Variants in NIBAN1 observed in about 807,000 individuals in gnomAD.
NIBAN1 encodes niban apoptosis regulator 1, also known as protein Niban 1.
In NIBAN1, 81 loss-of-function variants were observed where a neutral mutation model predicts 75.1. The ratio of observed to expected loss-of-function variants is 1.08; its 90% CI spans 0.90 to 1.30. The LOEUF (loss-of-function observed/expected upper bound fraction) is 1.30, where lower values mean the gene tolerates loss of function less well. NIBAN1 is among the 50% of genes most tolerant of loss of function. The pLI, the probability that NIBAN1 is intolerant of heterozygous loss-of-function variation, is 0.00. For synonymous variants in NIBAN1, 436 were observed against 424.8 expected (o/e 1.03, Z -0.32); for missense variants, 1,133 against 1,128.1 (o/e 1.00, Z -0.06).
chr1:184,826,827 G>A (rs1482636321), intron 6 of NIBAN1, among the ~76,000 whole-genome samples: 2 of 152,094 alleles, frequency 1.3e-5, no homozygotes, highest in African/African-American at 4.8e-5. Context: ...TGTCTGCGAG[G>A]AAAAAGAGAG....
intron 5 of NIBAN1, among the ~76,000 whole-genome samples, chr1:184,842,323 C>T (rs1655308849): frequency 6.6e-6 from 1 of 152,200 alleles, no homozygotes; most frequent in African/African-American, 2.4e-5. Context: ...GTTTCTGATT[C>T]AATAGGTCTG....
At chr1:184,866,080 T>G (rs1223970483) in intron 5 of NIBAN1, among the ~76,000 whole-genome samples, 1 of 152,164 alleles carries the variant, frequency 6.6e-6, no homozygotes, top group Non-Finnish European at 1.5e-5. Context: ...ATGTGCTTAC[T>G]ACACCCCTAC....
chr1:184,917,350 C>A (rs866908431), intron 1 of NIBAN1, among the ~76,000 whole-genome samples: 4 of 150,682 alleles, frequency 2.7e-5, no homozygotes, highest in Admixed American at 6.7e-5. Flanking sequence ...TACAGACACC[C>A]GCCACCACGC....
At chr1:184,897,792 CTCT>C (rs1423601374) in intron 2 of NIBAN1, among the ~76,000 whole-genome samples, 1 of 152,194 alleles carries the variant, frequency 6.6e-6, no homozygotes, top group Non-Finnish European at 1.5e-5. Context: ...ACTGATTTCT[CTCT>C]TCTTCTATTA....
intron 5 of NIBAN1, among the ~76,000 whole-genome samples, chr1:184,860,877 C>T (rs1655798443): frequency 6.6e-6 from 1 of 152,182 alleles, no homozygotes; most frequent in African/African-American, 2.4e-5. Context: ...TTCTTGTCTG[C>T]TTAGAGTCTA....
rs1384359220 is a variant in NIBAN1 at position 184,974,350 on chromosome 1, C to G, written c.7G>C (p.Gly3Arg). 4 of 1,559,192 alleles carry G rather than the reference C, an allele frequency of 2.6e-6. No homozygotes were observed. The African/African-American group carries it at 5.4e-5, about 21-fold the overall frequency. ...TCGTCCAGCTGGCTGGAGGCTGAGC[C>G]GCCCATGACCGCGAGCTGCCTGTGC... MG[G>R]SASSQLDEGK... is the part of the protein sequence containing the mutation. Residue 3 changes from glycine (G) to arginine (R), a missense_variant, in exon 1 of 14, where the codon GGC (glycine) becomes CGC (arginine). Transcript: ENST00000367511.
chr1:184,823,211 T>C lies in NIBAN1; in HGVS notation c.941A>G (p.Asp314Gly). ...GLEGTIRSDM[D>G]QIVNSKNYLI... ...ATAGTTCTTTGAGTTCACAATCTGA[T>C]CCATGTCAGAACGGATCGTTCCTTC... Residue 314 changes from aspartate (D) to glycine (G), a missense_variant, in exon 8 of 14, where the codon GAT becomes GGT. Asp to Gly is a moderately conservative substitution (Grantham distance 94). Transcript: ENST00000367511. The C allele has an allele frequency of 6.2e-7, 1 of 1,614,246 alleles. No individual in the cohort carries two copies. Among genetic ancestry groups the C allele is most frequent in the Non-Finnish European group, 8.5e-7 (1 of 1,180,038 alleles).
At chr1:184,852,466 T>C (rs751585758) in intron 5 of NIBAN1, among the ~76,000 whole-genome samples, 1 of 152,224 alleles carries the variant, frequency 6.6e-6, no homozygotes, top group South Asian at 2.1e-4. Context: ...TTTATCACTG[T>C]ATCCTCAGGC....
chr1:184,804,776 T>G (rs1372275535), intron 11 of NIBAN1, among the ~76,000 whole-genome samples: 1 of 151,960 alleles, frequency 6.6e-6, no homozygotes, highest in Non-Finnish European at 1.5e-5. Flanking sequence ...ATTGGTGTTT[T>G]TTTTTTTGTT....
chr1:184,809,144 G>A lies in NIBAN1; in HGVS notation c.1174-909C>T, dbSNP rs373028651. Among the ~76,000 whole-genome samples, 539 of 152,232 alleles carry A rather than the reference G, an allele frequency of 3.5e-3. 1 individual carries two copies. The highest frequency in any genetic ancestry group is 5.8e-3 in the Non-Finnish European group (393 of 68,014). On this transcript the variant is annotated intron_variant, in intron 9 of 13. Transcript: ENST00000367511. ...TCCGACTTTCAGCTCACGCAGAAGA[G>A]ATAATCTAGATTTCTAGATTTCTCT... is the stretch of plus-strand genomic sequence containing the variant.
intron 5 of NIBAN1, among the ~76,000 whole-genome samples, chr1:184,842,619 G>A (rs1655320547): frequency 1.3e-5 from 2 of 152,170 alleles, no homozygotes; most frequent in South Asian, 4.1e-4. Context: ...CGGGCGTGGT[G>A]GCGGGCGCCT....
At chr1:184,872,174 T>C (rs749096123) in intron 5 of NIBAN1, among the ~76,000 whole-genome samples, 6 of 152,074 alleles carry the variant, frequency 3.9e-5, no homozygotes, top group Non-Finnish European at 8.8e-5. Context: ...TGTTTAAAAA[T>C]ATTTTTAAAA....
chr1:184,974,329 C>T lies in NIBAN1; in HGVS notation c.28G>A (p.Asp10Asn). The T allele has an allele frequency of 6.4e-7, 1 of 1,567,570 alleles. No individual in the cohort carries two copies. The highest frequency in any genetic ancestry group is 1.7e-4 in the Middle Eastern group (1 of 6,030). Residue 10 changes from aspartate to asparagine, a missense_variant, in exon 1 of 14, where the codon GAC (aspartate) becomes AAC (asparagine). Coordinates refer to ENST00000367511, the MANE Select transcript of NIBAN1 (RefSeq NM_052966.4). MGGSASSQL[D>N]EGKCAYIRGK... ...CGGATGTAAGCGCACTTGCCCTCGT[C>T]CAGCTGGCTGGAGGCTGAGCCGCCC...
In NIBAN1 at chr1:184,923,958, GT is replaced by G. The variant is rs34375473; in HGVS notation, c.56-24650del. Among the ~76,000 whole-genome samples, 889 of 140,198 alleles carry G rather than the reference GT, an allele frequency of 6.3e-3. 2 individuals carry two copies. The highest frequency in any genetic ancestry group is 7.9e-3 in the African/African-American group (304 of 38,578). The allele number at this position is 140,198 out of a possible 152,430, so 92.0% of individuals were successfully genotyped here. A position where few individuals can be genotyped will look rare whatever the true frequency, so the allele number is the denominator to read the frequency against. On this transcript the variant is annotated intron_variant, in intron 1 of 13. Coordinates refer to ENST00000367511, the MANE Select transcript of NIBAN1 (RefSeq NM_052966.4). ...CTGAATTTGTTTATCAGTTCTAATA[GT>G]TTTTTTTTTTTTTGGTAGAGTCTTC...
At chr1:184,887,267 C>T (rs1270237164) in intron 4 of NIBAN1, among the ~76,000 whole-genome samples, 1 of 152,078 alleles carries the variant, frequency 6.6e-6, no homozygotes, top group Non-Finnish European at 1.5e-5. Context: ...CCCACCAGGA[C>T]CTAGCACAAT....
intron 1 of NIBAN1, among the ~76,000 whole-genome samples, chr1:184,936,004 C>A (rs1657948773): frequency 6.8e-6 from 1 of 146,116 alleles, no homozygotes; most frequent in African/African-American, 2.5e-5. Context: ...CTAACCCAAC[C>A]TATTTTTGTG....
intron 5 of NIBAN1, among the ~76,000 whole-genome samples, chr1:184,860,818 C>T (rs1340104320): frequency 1.3e-5 from 2 of 152,178 alleles, no homozygotes; most frequent in African/African-American, 4.8e-5. Flanking sequence ...CCTCTTTCCA[C>T]AAACAGGAAA....
At chr1:184,845,342 A>G (rs182458940) in intron 5 of NIBAN1, among the ~76,000 whole-genome samples, 1 of 152,390 alleles carries the variant, frequency 6.6e-6, no homozygotes, top group Non-Finnish European at 1.5e-5. Context: ...AAACAAAATA[A>G]GATGGGATTA....
chr1:184,922,823 T>C (rs1474475810), intron 1 of NIBAN1, among the ~76,000 whole-genome samples: 2 of 152,174 alleles, frequency 1.3e-5, no homozygotes, highest in Non-Finnish European at 2.9e-5. Context: ...GTCTGGCTGG[T>C]CTCGAACTCC....
Sources: allele counts gnomAD v4.1 joint callset (sites outside exome capture counted in the v4.1 genomes callset), GRCh38; gene constraint gnomAD v4.1.1; transcripts MANE v1.5; gene names NCBI Gene and HGNC (gene_info 2026-07-23, HGNC 2026-07-21).